Variants in PTPRS observed in about 807,000 individuals in gnomAD.
The protein encoded by PTPRS is protein tyrosine phosphatase receptor type S.
Under a neutral mutation model 215.3 loss-of-function variants are expected in PTPRS, and 63 were observed. The observed-to-expected ratio is 0.29, with a 90% CI of 0.24 to 0.36. The LOEUF is 0.36. Among genes scored for constraint, PTPRS ranks in the 10% least tolerant of loss-of-function variants. The pLI is 1.00. For missense variants in PTPRS, 2,258 were observed against 2,825.8 expected (o/e 0.80, Z 4.56); for synonymous variants, 1,404 against 1,191.4 (o/e 1.18, Z -3.68).
rs1434987729 is a variant in PTPRS at position 5,237,699 on chromosome 19, A to G, written c.1849+1220T>C. ...TTGAGACCAGCGTGTACTCACCTTCAGGACACCTCAGCCAGTCTCTCAGGT... is the reference window on the plus strand; with the variant it reads ...TTGAGACCAGCGTGTACTCACCTTCGGGACACCTCAGCCAGTCTCTCAGGT... On this transcript the variant is annotated intron_variant, in intron 13 of 37. Transcript: ENST00000262963. The surrounding 1 kb of genome is among the most constrained non-coding windows in gnomAD (Gnocchi z 4.2). Among the ~76,000 whole-genome samples, 1 of 152,088 alleles carries G rather than the reference A, an allele frequency of 6.6e-6. No homozygotes were observed. The highest frequency in any genetic ancestry group is 2.4e-5 in the African/African-American group (1 of 41,422).
At position 5,212,472 on chromosome 19, in the gene PTPRS, C is replaced by T. The variant is rs754177433; in HGVS notation, c.4634G>A (p.Arg1545His). The part of the protein sequence containing the change: ...SLHKNGSSEK[R>H]EVRQFQFTAW... ...CGTAAACTGGAACTGGCGGACCTCG[C>T]GTTTCTCACTGGAGCCATTCTGGGG... Residue 1545 changes from arginine to histidine, a missense_variant, in exon 31 of 38, where the codon CGC (arginine) becomes CAC (histidine). Transcript: ENST00000262963. 11 of 1,593,146 alleles carry T rather than the reference C, an allele frequency of 6.9e-6. No homozygotes were observed. The highest frequency in any genetic ancestry group is 1.8e-5 in the Admixed American group (1 of 56,954).
chr19:5,303,952 A>AAAAAAAAAAAAAAATAAAAAAAAAAT (rs1351591843), intron 1 of PTPRS, among the ~76,000 whole-genome samples: 3 of 147,928 alleles, frequency 2.0e-5, no homozygotes, highest in African/African-American at 7.9e-5. Flanking sequence ...CTCTGTCTCA[A>AAAAAAAAAAAAAAATAAAAAAAAAAT]AAAATAATAA....
chr19:5,223,077 A>G lies in PTPRS; in HGVS notation c.2715T>C (p.Leu905=). The G allele has an allele frequency of 6.4e-7, 1 of 1,558,456 alleles. No homozygotes were observed. Among genetic ancestry groups the G allele is most frequent in the Non-Finnish European group, 8.7e-7 (1 of 1,151,786 alleles). ...VHKGATYVFR[L]AARSRGGLGE... ...CCAGGCCGCCGCGGCTCCGGGCCGC[A>G]AGCCGGAACACATACGTGGCCCCCT... The change falls in exon 18 of 38, where the codon CTT becomes CTC. Residue 905 remains leucine (L), a synonymous_variant. Transcript: ENST00000262963.
At chr19:5,236,696 C>A (rs971748077) in intron 13 of PTPRS, among the ~76,000 whole-genome samples, 1 of 152,106 alleles carries the variant, frequency 6.6e-6, no homozygotes, top group African/African-American at 2.4e-5. Context: ...CAACAGCTTA[C>A]TTCAACTAGA....
At position 5,295,423 on chromosome 19, in the gene PTPRS, G is replaced by A. The variant is rs760751282; in HGVS notation, c.-94-9189C>T. The stretch of plus-strand genomic sequence containing the variant: ...CCACAGTGGTGACTGCAGTTGGCAG[G>A]GGACACAGCCACCCCCGAGGGGCTG... On this transcript the variant is annotated intron_variant, in intron 1 of 37. Coordinates refer to ENST00000262963, the MANE Select transcript of PTPRS (RefSeq NM_002850.4). The surrounding 1 kb of genome is among the most constrained non-coding windows in gnomAD (Gnocchi z 4.6). Among the ~76,000 whole-genome samples, 5 of 152,156 alleles carry A rather than the reference G, an allele frequency of 3.3e-5. No homozygotes were observed. The highest frequency in any genetic ancestry group is 7.4e-5 in the Non-Finnish European group (5 of 68,018).
At chr19:5,315,869 G>C (rs532165780) in intron 1 of PTPRS, among the ~76,000 whole-genome samples, 2 of 145,948 alleles carry the variant, frequency 1.4e-5, no homozygotes, top group South Asian at 2.2e-4. Flanking sequence ...GGCCCCAAGC[G>C]ATCCTCCCAC....
Position 5,280,734 on chromosome 19 carries a change from A to G in PTPRS, c.91+5316T>C, listed in dbSNP as rs544244612. On this transcript the variant is annotated intron_variant, in intron 2 of 37. Coordinates refer to ENST00000262963, the MANE Select transcript of PTPRS (RefSeq NM_002850.4). ...AAAACTCTGTCTCCAAAACAAAACA[A>G]AACAAAAAAATCACTAGACCCACCA... Among the ~76,000 whole-genome samples the G allele has an allele frequency of 4.6e-5, 7 of 152,134 alleles. No homozygotes were observed. In the East Asian group the frequency reaches 9.7e-4, roughly 21 times the overall value.
chr19:5,206,283 T>TA lies in PTPRS; in HGVS notation c.*490dup, dbSNP rs1388133678. ...AAAATGGAAAAAAAAATACACTATTTAAAAAAAATGAAATGTCACGGGATA... is the reference window on the plus strand; with the variant it reads ...AAAATGGAAAAAAAAATACACTATTTAAAAAAAAATGAAATGTCACGGGATA... On this transcript the variant is annotated 3_prime_UTR_variant, in exon 38 of 38. Transcript: ENST00000262963. The TA allele has an allele frequency of 2.3e-4, 53 of 227,962 alleles. No homozygotes were observed. Among genetic ancestry groups the TA allele is most frequent in the African/African-American group, 1.0e-3 (46 of 44,880 alleles). 14.1% of individuals were successfully genotyped at this position (227,962 alleles called of 1,614,324 possible). A position where few individuals can be genotyped will look rare whatever the true frequency, so the allele number is the denominator to read the frequency against.
At chr19:5,252,775 G>C (rs1307116591) in intron 9 of PTPRS, among the ~76,000 whole-genome samples, 1 of 144,188 alleles carries the variant, frequency 6.9e-6, no homozygotes, top group Non-Finnish European at 1.5e-5. Flanking sequence ...TTGGGAGGCT[G>C]AGACAGGAGA....
intron 11 of PTPRS, among the ~76,000 whole-genome samples, chr19:5,241,063 T>C (rs1276347496): frequency 6.7e-6 from 1 of 150,368 alleles, no homozygotes; most frequent in Non-Finnish European, 1.5e-5. Flanking sequence ...CTAACTTTTG[T>C]ATTTTTAGTA....
At chr19:5,219,013 G>T in intron 23 of PTPRS, 1 of 635,012 alleles carries the variant, frequency 1.6e-6, no homozygotes, top group Non-Finnish European at 2.7e-6. Context: ...TGTGCCCCAT[G>T]GGGCCACTAC....
At chr19:5,239,437 G>A (rs2043814615) in intron 12 of PTPRS, among the ~76,000 whole-genome samples, 1 of 151,402 alleles carries the variant, frequency 6.6e-6, no homozygotes, top group Admixed American at 6.6e-5. Context: ...GAGAGAGACA[G>A]ACACAGAGAC....
chr19:5,280,545 C>T (rs1261261582), intron 2 of PTPRS, among the ~76,000 whole-genome samples: 1 of 151,566 alleles, frequency 6.6e-6, no homozygotes, highest in African/African-American at 2.4e-5. Flanking sequence ...ATGATGAAAC[C>T]CCGTCTCTAC....
At position 5,237,919 on chromosome 19, in the gene PTPRS, T is replaced by G. The variant is rs2043619888; in HGVS notation, c.1849+1000A>C. ...ATCCCAGCGGCTCAGATGCCCCGGCTGGAGTTGATGTTAACCCTTCGACTG... is the reference window on the plus strand; with the variant it reads ...ATCCCAGCGGCTCAGATGCCCCGGCGGGAGTTGATGTTAACCCTTCGACTG... On this transcript the variant is annotated intron_variant, in intron 13 of 37. Coordinates refer to ENST00000262963, the MANE Select transcript of PTPRS (RefSeq NM_002850.4). The surrounding 1 kb of genome is among the most constrained non-coding windows in gnomAD (Gnocchi z 4.2). 6.7e-6 allele frequency among the ~76,000 whole-genome samples: 1 copy of G among 149,586 alleles called. No homozygotes were observed. The highest frequency in any genetic ancestry group is 1.5e-5 in the Non-Finnish European group (1 of 67,166).
chr19:5,307,621 C>G (rs986081746), intron 1 of PTPRS, among the ~76,000 whole-genome samples: 8 of 152,162 alleles, frequency 5.3e-5, no homozygotes, highest in African/African-American at 1.9e-4. Context: ...CAGAAGATTT[C>G]TAGATAAACT....
At chr19:5,289,293 CT>C (rs2048618060) in intron 1 of PTPRS, among the ~76,000 whole-genome samples, 1 of 152,170 alleles carries the variant, frequency 6.6e-6, no homozygotes, top group South Asian at 2.1e-4. Flanking sequence ...TGTCCCCAAC[CT>C]GCCCACTTCT....
chr19:5,223,560 ATTTTTT>A (rs35490567), intron 17 of PTPRS, among the ~76,000 whole-genome samples: 10 of 129,054 alleles, frequency 7.7e-5, no homozygotes, highest in African/African-American at 1.8e-4. Flanking sequence ...TGCGGTTGTG[ATTTTTT>A]TTTTTTTTTT....
In PTPRS at chr19:5,229,351, GGGA is replaced by G. The variant is rs1017599552; in HGVS notation, c.2350-12_2350-10del. The G allele has an allele frequency of 7.3e-7, 1 of 1,378,296 alleles. No homozygotes were observed. The highest frequency in any genetic ancestry group is 1.5e-5 in the African/African-American group (1 of 66,626). The allele number at this position is 1,378,296 out of a possible 1,614,324, so 85.4% of individuals were successfully genotyped here. A position where few individuals can be genotyped will look rare whatever the true frequency, so the allele number is the denominator to read the frequency against. ...GTGTCATCCGTCTCCCACTGAGCGCGGGAGGAGGCGGCAGGGGAGAGAGGAGGA... is the reference window on the plus strand; with the variant it reads ...GTGTCATCCGTCTCCCACTGAGCGCGGGAGGCGGCAGGGGAGAGAGGAGGA... On this transcript the variant is annotated splice_polypyrimidine_tract_variant and intron_variant, in intron 15 of 37. Transcript: ENST00000262963.
rs1191866085 is a variant in PTPRS at position 5,244,041 on chromosome 19, T to G, written c.1430A>C (p.Lys477Thr). Reference protein sequence around the residue: ...EPEHPVGNWQKHNVDDSLLTT... With the variant: ...EPEHPVGNWQTHNVDDSLLTT... ...CAGCAGGCTGTCGTCCACGTTGTGC[T>G]TCTGCCAGTTGCCCACGGGGTGCTC... is the stretch of plus-strand genomic sequence containing the variant. Residue 477 changes from lysine to threonine, a missense_variant, in exon 11 of 38, where the codon AAG becomes ACG. By Grantham distance (78) the Lys-to-Thr change is moderately conservative (BLOSUM62 -1). This residue lies in a region of PTPRS where 508 missense variants were observed against 799.4 expected (regional missense o/e 0.64). Coordinates refer to ENST00000262963, the MANE Select transcript of PTPRS (RefSeq NM_002850.4). This position sits in a 1 kb window ranked among gnomAD's most constrained non-coding sequence, Gnocchi z 7.2. 2 of 1,609,954 alleles carry G rather than the reference T, an allele frequency of 1.2e-6. No homozygotes were observed. Among genetic ancestry groups the G allele is most frequent in the Non-Finnish European group, 1.7e-6 (2 of 1,179,928 alleles).
Sources: gnomAD v4.1 joint callset for allele counts (sites outside exome capture counted in the v4.1 genomes callset) on GRCh38, gnomAD v4.1.1 for gene constraint, gnomAD v4.1.1 regional missense constraint, Gnocchi (gnomAD v3.1) non-coding constraint, MANE v1.5 for transcripts, NCBI Gene and HGNC (gene_info 2026-07-23, HGNC 2026-07-21) for gene names.